The following RABGAP1 variants were observed in gnomAD, a reference collection of about 807,000 sequenced individuals.
The protein encoded by RABGAP1 is RAB GTPase activating protein 1.
Under a neutral mutation model 137.6 loss-of-function variants are expected in RABGAP1, and 23 were observed. The observed-to-expected ratio is 0.17, with a 90% CI of 0.12 to 0.24. The LOEUF is 0.24. Ranked by LOEUF, RABGAP1 falls within the 10% of genes least tolerant of loss-of-function variation. The pLI is 1.00. For synonymous variants in RABGAP1, 451 were observed against 450.7 expected (o/e 1.00, Z -0.01); for missense variants, 906 against 1,275.8 (o/e 0.71, Z 4.42).
intron 13 of RABGAP1, among the ~76,000 whole-genome samples, chr9:123,055,028 G>A (rs534534880): frequency 6.6e-6 from 1 of 152,266 alleles, no homozygotes; most frequent in Admixed American, 6.5e-5. Flanking sequence ...AAGTCACTGT[G>A]CACAGCCCAC....
At chr9:122,968,491 A>T (rs571972573) in intron 2 of RABGAP1, among the ~76,000 whole-genome samples, 5 of 152,260 alleles carry the variant, frequency 3.3e-5, no homozygotes, top group South Asian at 2.1e-4. Flanking sequence ...TCAAACTGCT[A>T]GGATTACAGG....
intron 1 of RABGAP1, among the ~76,000 whole-genome samples, chr9:122,951,260 C>G (rs1834227395): frequency 6.6e-6 from 1 of 152,086 alleles, no homozygotes; most frequent in Non-Finnish European, 1.5e-5. Flanking sequence ...TTAGTATCAC[C>G]CACACCTCTT....
At position 122,978,979 on chromosome 9, in the gene RABGAP1, G is replaced by T. The variant is rs114484615; in HGVS notation, c.151-5506G>T. On this transcript the variant is annotated intron_variant, in intron 2 of 25. Coordinates refer to ENST00000373647, the MANE Select transcript of RABGAP1 (RefSeq NM_012197.4). ...AGTTCAGTGGCATAATCTCACTGCA[G>T]CCTCAACCTCCTGGGTTCAAGTGAT... 2.9e-3 allele frequency among the ~76,000 whole-genome samples: 444 copies of T among 151,934 alleles called. 2 individuals carry two copies. The highest frequency in any genetic ancestry group is 0.01 in the African/African-American group (420 of 41,408).
At chr9:122,933,519 T>C in the RABGAP1 span, among the ~76,000 whole-genome samples, 1 of 151,648 alleles carries the variant, frequency 6.6e-6, no homozygotes, top group Non-Finnish European at 1.5e-5. Context: ...AGTGGTGCCA[T>C]CTCAGCTCAC....
intron 4 of RABGAP1, among the ~76,000 whole-genome samples, chr9:122,987,353 C>T (rs1836426350): frequency 6.6e-6 from 1 of 152,090 alleles, no homozygotes; most frequent in Non-Finnish European, 1.5e-5. Flanking sequence ...AAAATTGCCA[C>T]ATAAAAATAG....
At chr9:122,941,311 C>T (rs1294349029) in intron 1 of RABGAP1, among the ~76,000 whole-genome samples, 1 of 152,236 alleles carries the variant, frequency 6.6e-6, no homozygotes, top group African/African-American at 2.4e-5. Flanking sequence ...CATGCGCAGG[C>T]TGGGCCGCTC....
At chr9:122,994,200 A>G (rs1325997101) in intron 6 of RABGAP1, among the ~76,000 whole-genome samples, 2 of 152,226 alleles carry the variant, frequency 1.3e-5, no homozygotes, top group African/African-American at 2.4e-5. Flanking sequence ...AATATGATCT[A>G]GGACCCTGAC....
chr9:122,977,021 G>T (rs1490260928), intron 2 of RABGAP1, among the ~76,000 whole-genome samples: 2 of 152,208 alleles, frequency 1.3e-5, no homozygotes, highest in African/African-American at 4.8e-5. Flanking sequence ...TAAGTGACTG[G>T]AAAGGCAGAT....
At chr9:123,086,636 AC>A (rs911836604) in intron 19 of RABGAP1, among the ~76,000 whole-genome samples, 3 of 144,348 alleles carry the variant, frequency 2.1e-5, no homozygotes, top group African/African-American at 7.7e-5. Context: ...TCAGCCGTGA[AC>A]CCATGAGAAG....
At chr9:123,010,083 C>T (rs1243292909) in intron 10 of RABGAP1, among the ~76,000 whole-genome samples, 1 of 151,978 alleles carries the variant, frequency 6.6e-6, no homozygotes, top group African/African-American at 2.4e-5. Flanking sequence ...GAAGACAAAC[C>T]AATATGGTTT....
intron 13 of RABGAP1, among the ~76,000 whole-genome samples, chr9:123,048,391 T>C (rs1334978806): frequency 6.6e-6 from 1 of 152,230 alleles, no homozygotes; most frequent in Non-Finnish European, 1.5e-5. Context: ...ATCCATTGAT[T>C]CGATTATTTA....
At chr9:123,026,691 T>TA (rs2031990656) in intron 13 of RABGAP1, among the ~76,000 whole-genome samples, 1 of 152,194 alleles carries the variant, frequency 6.6e-6, no homozygotes, top group South Asian at 2.1e-4. Context: ...CTGTAATTCT[T>TA]ACAGCTGTTT....
chr9:122,957,230 A>G, intron 2 of RABGAP1, 21 bp downstream of exon 2: 1 of 1,490,332 alleles, frequency 6.7e-7, no homozygotes, highest in Non-Finnish European at 9.1e-7. Context: ...CTAACCTAAG[A>G]TTGTTTTGCT....
At position 123,099,408 on chromosome 9, in the gene RABGAP1, T is replaced by C; in HGVS notation, c.2818-70T>C. On this transcript the variant is annotated intron_variant, in intron 23 of 25. Coordinates refer to ENST00000373647, the MANE Select transcript of RABGAP1 (RefSeq NM_012197.4). ...TTAATTCCAATTTACATATTCCAGC[T>C]TCCACTATGGAATTTATGCAGATGA... is the stretch of plus-strand genomic sequence containing the variant. 2.2e-6 allele frequency: 3 copies of C among 1,392,578 alleles called. No homozygotes were observed. The South Asian group carries it at 3.5e-5, about 16-fold the overall frequency. 86.3% of individuals were successfully genotyped at this position (1,392,578 alleles called of 1,614,324 possible). A position where few individuals can be genotyped will look rare whatever the true frequency, so the allele number is the denominator to read the frequency against.
chr9:123,003,505 A>G (rs2029919561), intron 10 of RABGAP1, among the ~76,000 whole-genome samples: 1 of 152,232 alleles, frequency 6.6e-6, no homozygotes, highest in Non-Finnish European at 1.5e-5. Flanking sequence ...AAACAATGCT[A>G]CAAAGCAAAT....
chr9:122,982,684 G>C (rs957449485), intron 2 of RABGAP1, among the ~76,000 whole-genome samples: 7 of 152,104 alleles, frequency 4.6e-5, no homozygotes, highest in Non-Finnish European at 8.8e-5. Context: ...TTCTTCTCCA[G>C]TTTTGAAAAG....
intron 2 of RABGAP1, among the ~76,000 whole-genome samples, chr9:122,964,947 GATC>G (rs1341506268): frequency 6.6e-6 from 1 of 152,116 alleles, no homozygotes; most frequent in Non-Finnish European, 1.5e-5. Context: ...AGTGCGTTGT[GATC>G]ATAACCACTG....
In RABGAP1 at chr9:123,101,612, A is replaced by C. The variant is rs976017721; in HGVS notation, c.2936A>C (p.Glu979Ala). The part of the protein sequence containing the change: ...CERCREFFNK[E>A]GRVKGISSTK... The stretch of plus-strand genomic sequence containing the variant: ...CGGTGCCGGGAATTTTTCAACAAAG[A>C]AGGGCGTGTAAAAGGCATAAGCTCA... The change falls in exon 25 of 26, where the codon GAA becomes GCA. Residue 979 changes from glutamate (E) to alanine (A), a missense_variant. By Grantham distance (107) the Glu-to-Ala change is moderately radical (BLOSUM62 -1). This residue lies in a region of RABGAP1 where 193 missense variants were observed against 248.1 expected (regional missense o/e 0.78). Coordinates refer to ENST00000373647, the MANE Select transcript of RABGAP1 (RefSeq NM_012197.4). 14 of 1,614,004 alleles carry C rather than the reference A, an allele frequency of 8.7e-6. No homozygotes were observed. The African/African-American group carries it at 1.9e-4, about 22-fold the overall frequency.
intron 11 of RABGAP1, among the ~76,000 whole-genome samples, chr9:123,011,157 G>A (rs908522287): frequency 2.6e-5 from 4 of 152,010 alleles, no homozygotes; most frequent in East Asian, 1.9e-4. Flanking sequence ...CCAGGGCTTC[G>A]AATTTAATGG....
Sources: allele counts gnomAD v4.1 joint callset (sites outside exome capture counted in the v4.1 genomes callset), GRCh38; gene constraint gnomAD v4.1.1; regional missense constraint gnomAD v4.1.1; transcripts MANE v1.5; gene names NCBI Gene and HGNC (gene_info 2026-07-23, HGNC 2026-07-21).